GFRA2: variants seen among roughly 807,000 people sequenced by gnomAD.
The protein encoded by GFRA2 is GDNF family receptor alpha 2.
Under a neutral mutation model 48.3 loss-of-function variants are expected in GFRA2, and 17 were observed. The observed-to-expected ratio is 0.35, with a 90% confidence interval of 0.24 to 0.53. GFRA2 has a LOEUF of 0.53. Ranked by LOEUF, GFRA2 falls within the 20% of genes least tolerant of loss-of-function variation. GFRA2 has a pLI of 0.93. For missense variants in GFRA2, 660 were observed against 637.3 expected (o/e 1.04, Z -0.38); for synonymous variants, 305 against 257.2 (o/e 1.19, Z -1.78).
At chr8:21,768,878 T>A (rs1057157280) in intron 3 of GFRA2, among the ~76,000 whole-genome samples, 39 of 152,104 alleles carry the variant, frequency 2.6e-4, no homozygotes, top group African/African-American at 8.4e-4. Flanking sequence ...CTGTTCACCG[T>A]CCCCTGAGCC....
At chr8:21,701,206 A>G (rs770626944) in intron 7 of GFRA2, among the ~76,000 whole-genome samples, 1 of 152,212 alleles carries the variant, frequency 6.6e-6, no homozygotes, top group African/African-American at 2.4e-5. Context: ...CATCCTGGCT[A>G]ACGCGGTGAA....
At chr8:21,696,942 AGGGG>A (rs1585220325) in intron 7 of GFRA2, among the ~76,000 whole-genome samples, 3 of 58,822 alleles carry the variant, frequency 5.1e-5, no homozygotes, top group Admixed American at 2.0e-4. Context: ...GGACAGAGGA[AGGGG>A]GAGGGGACAG....
intron 4 of GFRA2, among the ~76,000 whole-genome samples, chr8:21,711,561 G>T (rs1167998752): frequency 6.6e-6 from 1 of 152,176 alleles, no homozygotes; most frequent in Non-Finnish European, 1.5e-5. Flanking sequence ...CCCCCAGTTG[G>T]ATGAAAAGGT....
chr8:21,800,395 C>T (rs1124112), intron 2 of GFRA2, among the ~76,000 whole-genome samples: 19,969 of 152,234 alleles, frequency 0.13, 1,754 homozygotes, highest in South Asian at 0.28. Context: ...AGCATTCACA[C>T]GCCACTCCCT....
chr8:21,798,885 C>T (rs949803571), intron 2 of GFRA2, among the ~76,000 whole-genome samples: 4 of 152,214 alleles, frequency 2.6e-5, no homozygotes, highest in African/African-American at 9.7e-5. Context: ...TCTCTTAGCT[C>T]TTCTTGCACT....
intron 2 of GFRA2, among the ~76,000 whole-genome samples, chr8:21,798,548 T>C (rs1807716965): frequency 6.6e-6 from 1 of 152,174 alleles, no homozygotes; most frequent in Non-Finnish European, 1.5e-5. Flanking sequence ...CCATGTGACT[T>C]TAGTTCCTCT....
intron 3 of GFRA2, among the ~76,000 whole-genome samples, chr8:21,752,816 C>A (rs913139518): frequency 6.6e-6 from 1 of 152,168 alleles, no homozygotes; most frequent in Non-Finnish European, 1.5e-5. Context: ...GTAGCCCATG[C>A]CAAAACTCTC....
intron 6 of GFRA2, among the ~76,000 whole-genome samples, chr8:21,703,533 C>A (rs140723931): frequency 5.9e-5 from 9 of 152,300 alleles, no homozygotes; most frequent in Admixed American, 1.3e-4. Flanking sequence ...TCCGCCTCCA[C>A]GAGCCACACA....
chr8:21,771,091 C>T (rs975458674), intron 3 of GFRA2, among the ~76,000 whole-genome samples: 9 of 152,168 alleles, frequency 5.9e-5, no homozygotes, highest in East Asian at 3.9e-4. Flanking sequence ...GTCCCTGATG[C>T]GCCGTGGGCA....
chr8:21,694,029 G>A (rs977493165), intron 8 of GFRA2, among the ~76,000 whole-genome samples: 34 of 117,196 alleles, frequency 2.9e-4, no homozygotes, highest in African/African-American at 6.2e-4. Context: ...TTATATATAC[G>A]TCATATATAT....
intron 7 of GFRA2, among the ~76,000 whole-genome samples, chr8:21,696,460 C>G (rs1045338858): frequency 1.3e-5 from 2 of 152,146 alleles, no homozygotes; most frequent in Non-Finnish European, 2.9e-5. Flanking sequence ...AGAAAACAAC[C>G]GACAAGAAGG....
At chr8:21,769,962 CAG>C in intron 3 of GFRA2, among the ~76,000 whole-genome samples, 1 of 152,328 alleles carries the variant, frequency 6.6e-6, no homozygotes, top group African/African-American at 2.4e-5. Flanking sequence ...TGGCCCACCC[CAG>C]ATGCATGCTG....
chr8:21,709,793 T>G (rs535146733), intron 4 of GFRA2, among the ~76,000 whole-genome samples: 1 of 152,260 alleles, frequency 6.6e-6, no homozygotes, highest in East Asian at 1.9e-4. Flanking sequence ...TCCCTGACAT[T>G]GGGAACCCTC....
At chr8:21,707,727 T>C (rs1283322973) in intron 4 of GFRA2, among the ~76,000 whole-genome samples, 5 of 152,204 alleles carry the variant, frequency 3.3e-5, no homozygotes, top group Non-Finnish European at 7.4e-5. Context: ...TAATTAGCAC[T>C]TTAAAAGGCA....
chr8:21,727,731 T>C (rs538741321), intron 4 of GFRA2, among the ~76,000 whole-genome samples: 1 of 152,316 alleles, frequency 6.6e-6, no homozygotes, highest in South Asian at 2.1e-4. Context: ...TCCCTCGGTA[T>C]TTGAGGGCCA....
intron 3 of GFRA2, among the ~76,000 whole-genome samples, chr8:21,772,242 T>G (rs1459228670): frequency 6.6e-6 from 1 of 152,148 alleles, no homozygotes; most frequent in African/African-American, 2.4e-5. Context: ...GCCTCCCAGC[T>G]CCTGTTCTCA....
chr8:21,704,274 T>C (rs1465375360), intron 6 of GFRA2, among the ~76,000 whole-genome samples: 1 of 152,226 alleles, frequency 6.6e-6, no homozygotes, highest in Non-Finnish European at 1.5e-5. Context: ...TCCCTCTTCC[T>C]GGCTGACTTG....
chr8:21,774,114 A>G (rs1806569115), intron 3 of GFRA2, among the ~76,000 whole-genome samples: 1 of 152,052 alleles, frequency 6.6e-6, no homozygotes, highest in East Asian at 1.9e-4. Context: ...CCACCCCTGG[A>G]GCATCAATCT....
intron 4 of GFRA2, among the ~76,000 whole-genome samples, chr8:21,744,113 A>G (rs1300505795): frequency 6.6e-6 from 1 of 152,224 alleles, no homozygotes; most frequent in Non-Finnish European, 1.5e-5. Flanking sequence ...GCTGAGGGAC[A>G]GTCCCAAGGA....
Sources: gnomAD v4.1 joint callset for allele counts (sites outside exome capture counted in the v4.1 genomes callset) on GRCh38, gnomAD v4.1.1 for gene constraint, MANE v1.5 for transcripts, NCBI Gene and HGNC (gene_info 2026-07-23, HGNC 2026-07-21) for gene names.